Variants in FRMD6 observed in about 807,000 individuals in gnomAD.
The protein encoded by FRMD6 is FERM domain-containing protein 6.
FRMD6 carries 37 observed loss-of-function variants against 73.2 expected under a neutral mutation model. That is an observed-to-expected ratio of 0.51 (90% CI 0.39 to 0.66). The LOEUF is 0.66. Ranked by LOEUF, FRMD6 falls within the 30% of genes least tolerant of loss-of-function variation. The pLI, the probability that FRMD6 is intolerant of heterozygous loss-of-function variation, is 0.00. For missense variants in FRMD6, 714 were observed against 780.5 expected (o/e 0.91, Z 1.02); for synonymous variants, 273 against 282.2 (o/e 0.97, Z 0.33).
At chr14:51,596,423 C>T (rs2064922) in intron 2 of FRMD6, among the ~76,000 whole-genome samples, 64,503 of 151,938 alleles carry the variant, frequency 0.42, 14,071 homozygotes, top group South Asian at 0.52. Context: ...AAGCTGATAC[C>T]TACTATCTAA....
At chr14:51,516,973 A>G (rs988367593) in intron 1 of FRMD6, among the ~76,000 whole-genome samples, 11 of 152,190 alleles carry the variant, frequency 7.2e-5, no homozygotes, top group Non-Finnish European at 1.6e-4. Flanking sequence ...ATGGCTGTCA[A>G]TTGCCTTGGT....
the FRMD6 span, among the ~76,000 whole-genome samples, chr14:51,461,565 A>G: frequency 6.6e-6 from 1 of 152,236 alleles, no homozygotes; most frequent in Non-Finnish European, 1.5e-5. Flanking sequence ...ACTATACTGA[A>G]TAAAAAATAC....
chr14:51,617,735 T>C (rs773367891), intron 2 of FRMD6, among the ~76,000 whole-genome samples: 2 of 152,164 alleles, frequency 1.3e-5, no homozygotes, highest in African/African-American at 2.4e-5. Context: ...ATAATTATTA[T>C]TATTTTCTAT....
chr14:51,659,743 A>G (rs552348314), intron 1 of FRMD6, among the ~76,000 whole-genome samples: 9 of 152,280 alleles, frequency 5.9e-5, no homozygotes, highest in Middle Eastern at 3.4e-3. Flanking sequence ...TCTTTTGCTC[A>G]TGTTCCCTGT....
chr14:51,721,753 A>AGGAGGGAAGGGG, intron 11 of FRMD6, among the ~76,000 whole-genome samples, 196 bp from the exon 12 acceptor site: 1 of 108,706 alleles, frequency 9.2e-6, no homozygotes, highest in African/African-American at 3.5e-5. Context: ...GAAGGGAGGA[A>AGGAGGGAAGGGG]GGAAGGAGGG....
At chr14:51,464,772 T>C in the FRMD6 span, among the ~76,000 whole-genome samples, 4 of 152,176 alleles carry the variant, frequency 2.6e-5, no homozygotes, top group Admixed American at 1.3e-4. Flanking sequence ...AAGAGCTGCA[T>C]ACTCAATGGT....
intron 1 of FRMD6, among the ~76,000 whole-genome samples, chr14:51,532,134 C>T (rs904451434): frequency 3.9e-5 from 6 of 151,944 alleles, no homozygotes; most frequent in South Asian, 2.1e-4. Flanking sequence ...TTTGGGAGGC[C>T]GAGGTGGGCG....
At chr14:51,456,180 T>C in the FRMD6 span, among the ~76,000 whole-genome samples, 1 of 152,250 alleles carries the variant, frequency 6.6e-6, no homozygotes, top group African/African-American at 2.4e-5. Flanking sequence ...CTTTAAGTTC[T>C]GGGATACATT....
chr14:51,703,752 T>G (rs1343407986), intron 5 of FRMD6, among the ~76,000 whole-genome samples: 2 of 152,088 alleles, frequency 1.3e-5, no homozygotes, highest in African/African-American at 2.4e-5. Context: ...AATGCTTTAT[T>G]TTTAAGCTCT....
the FRMD6 span, among the ~76,000 whole-genome samples, chr14:51,469,594 C>A: frequency 0.56 from 77,542 of 137,432 alleles, 21,260 homozygotes; most frequent in East Asian, 0.71. Flanking sequence ...GCCTGGGCGA[C>A]AGAGCGAGAC....
chr14:51,615,310 T>A (rs1890667770), intron 2 of FRMD6, among the ~76,000 whole-genome samples: 1 of 152,230 alleles, frequency 6.6e-6, no homozygotes, highest in Non-Finnish European at 1.5e-5. Context: ...TTGATCCTTA[T>A]TTCTTCTATT....
At position 51,712,464 on chromosome 14, in the gene FRMD6, A is replaced by G; in HGVS notation, c.781-19A>G. 2 of 1,457,398 alleles carry G rather than the reference A, an allele frequency of 1.4e-6. No homozygotes were observed. The highest frequency in any genetic ancestry group is 2.3e-5 in the South Asian group (2 of 86,584). 90.3% of individuals were successfully genotyped at this position (1,457,398 alleles called of 1,614,324 possible). ...CTATCATTTTTCCCATTAACTCCAT[A>G]TGCATATTCTTTTCACAGAATTTAG... On this transcript the variant is annotated intron_variant, in intron 8 of 13. Transcript: ENST00000344768.
At chr14:51,536,958 G>A (rs1354319211) in intron 1 of FRMD6, among the ~76,000 whole-genome samples, 1 of 152,098 alleles carries the variant, frequency 6.6e-6, no homozygotes, top group Non-Finnish European at 1.5e-5. Flanking sequence ...CCCACACACA[G>A]TCTCCCCAAC....
chr14:51,423,117 T>C, the FRMD6 span, among the ~76,000 whole-genome samples: 28 of 152,354 alleles, frequency 1.8e-4, no homozygotes, highest in African/African-American at 6.5e-4. Flanking sequence ...GAAACCTTTG[T>C]TGTGCTAGGC....
chr14:51,584,768 G>A (rs938009415), intron 2 of FRMD6, among the ~76,000 whole-genome samples: 12 of 151,866 alleles, frequency 7.9e-5, no homozygotes, highest in East Asian at 1.9e-4. Context: ...AGCTTCATAC[G>A]TGTCCACTTT....
At chr14:51,691,274 GTT>G (rs2140368186) in intron 2 of FRMD6, among the ~76,000 whole-genome samples, 1 of 152,280 alleles carries the variant, frequency 6.6e-6, no homozygotes, top group East Asian at 1.9e-4. Context: ...TAGATATTGA[GTT>G]TTGGGCTATT....
At chr14:51,551,731 C>T (rs1183399902) in intron 1 of FRMD6, among the ~76,000 whole-genome samples, 1 of 150,960 alleles carries the variant, frequency 6.6e-6, no homozygotes, top group Non-Finnish European at 1.5e-5. Context: ...AATGAGACCT[C>T]TTTAGAAAAA....
intron 1 of FRMD6, among the ~76,000 whole-genome samples, chr14:51,490,279 A>G (rs1882916786): frequency 6.6e-6 from 1 of 152,258 alleles, no homozygotes; most frequent in Non-Finnish European, 1.5e-5. Context: ...GTTCTCAGAG[A>G]AGCTACTTAT....
intron 1 of FRMD6, among the ~76,000 whole-genome samples, chr14:51,505,077 T>C (rs946058935): frequency 1.2e-4 from 18 of 152,136 alleles, no homozygotes; most frequent in African/African-American, 4.1e-4. Context: ...ACATCTCCAA[T>C]GGGGAAGCAG....
Sources: gnomAD v4.1 joint callset for allele counts (sites outside exome capture counted in the v4.1 genomes callset) on GRCh38, gnomAD v4.1.1 for gene constraint, MANE v1.5 for transcripts, NCBI Gene and HGNC (gene_info 2026-07-23, HGNC 2026-07-21) for gene names.